The following RAB5A variants were observed in gnomAD, a reference collection of about 807,000 sequenced individuals.
RAB5A encodes RAB5A, member RAS oncogene family.
In RAB5A, 8 loss-of-function variants were observed where a neutral mutation model predicts 25.7. The observed-to-expected ratio is 0.31, with a 90% CI of 0.18 to 0.56. The LOEUF (loss-of-function observed/expected upper bound fraction) is 0.56, where lower values mean the gene tolerates loss of function less well. Among genes scored for constraint, RAB5A ranks in the 20% least tolerant of loss-of-function variants. The pLI, the probability that RAB5A is intolerant of heterozygous loss-of-function variation, is 0.91. For synonymous variants in RAB5A, 98 were observed against 89.8 expected (o/e 1.09, Z -0.52); for missense variants, 192 against 259.7 (o/e 0.74, Z 1.79).
chr3:19,947,270 C>CGGA lies in RAB5A; in HGVS notation c.-343_-342insAGG. 6.9e-6 allele frequency: 1 copy of CGGA among 144,714 alleles called. No individual in the cohort carries two copies. Among genetic ancestry groups the CGGA allele is most frequent in the Non-Finnish European group, 1.2e-5 (1 of 84,466 alleles). 9.0% of individuals were successfully genotyped at this position (144,714 alleles called of 1,614,324 possible). ...GAATTAGTCGGAACTCCAGCGCCGG[C>CGGA]GGCGGCGGCGGCGGCGGAGGAGGAG... On this transcript the variant is annotated 5_prime_UTR_variant, in exon 1 of 6. Coordinates refer to ENST00000273047, the MANE Select transcript of RAB5A (RefSeq NM_004162.5).
rs1406867895 is a variant in RAB5A at position 19,950,997 on chromosome 3, A to G, written c.99A>G (p.Lys33=). Residue 33 remains lysine, a synonymous_variant, in exon 2 of 6, where the codon AAA becomes AAG. Transcript: ENST00000273047. ...TTCTGGGAGAGTCCGCTGTTGGCAA[A>G]TCAAGCCTAGTGCTTCGTTTTGTGA... ...LVLLGESAVG[K]SSLVLRFVKG... is the part of the protein sequence containing the mutation. The G allele has an allele frequency of 1.2e-6, 2 of 1,614,144 alleles. No homozygotes were observed. The highest frequency in any genetic ancestry group is 1.1e-5 in the South Asian group (1 of 91,076).
intron 5 of RAB5A, among the ~76,000 whole-genome samples, chr3:19,979,703 G>A (rs1296377395): frequency 2.6e-5 from 4 of 151,756 alleles, no homozygotes; most frequent in African/African-American, 4.8e-5. Context: ...TTTTGGTTTT[G>A]GATTTTTTTT....
At chr3:19,975,205 C>A in intron 2 of RAB5A, among the ~76,000 whole-genome samples, 1 of 138,418 alleles carries the variant, frequency 7.2e-6, no homozygotes. Context: ...TAGTCTGAGA[C>A]TCTTGTATCA....
chr3:19,976,098 A>G lies in RAB5A; in HGVS notation c.367A>G (p.Ser123Gly), dbSNP rs181298476. 7 of 1,613,500 alleles carry G rather than the reference A, an allele frequency of 4.3e-6. No individual in the cohort carries two copies. The highest frequency in any genetic ancestry group is 2.7e-5 in the African/African-American group (2 of 75,058). Reference protein sequence around the residue: ...NWVKELQRQASPNIVIALSGN... With the variant: ...NWVKELQRQAGPNIVIALSGN... ...GGTTAAAGAACTTCAGAGGCAAGCA[A>G]GTCCTAACATTGTAATAGCTTTATC... Residue 123 changes from serine (S) to glycine (G), a missense_variant, in exon 4 of 6, where the codon AGT (serine) becomes GGT (glycine). Physicochemically the swap from Ser to Gly is moderately conservative, Grantham distance 56 (BLOSUM62 0). This residue lies in a region of RAB5A where 121 missense variants were observed against 135.7 expected (regional missense o/e 0.89). Coordinates refer to ENST00000273047, the MANE Select transcript of RAB5A (RefSeq NM_004162.5).
intron 2 of RAB5A, among the ~76,000 whole-genome samples, chr3:19,974,824 C>G (rs760942731): frequency 1.3e-5 from 2 of 152,028 alleles, no homozygotes; most frequent in African/African-American, 2.4e-5. Flanking sequence ...TAAAATGGAA[C>G]AGGACATGGT....
rs1273724493 is a variant in RAB5A, at chr3:19,953,081, C to T, written c.163+2020C>T. Among the ~76,000 whole-genome samples, 23 of 150,728 alleles carry T rather than the reference C, an allele frequency of 1.5e-4. 1 individual carries two copies. Among genetic ancestry groups the T allele is most frequent in the Non-Finnish European group, 3.4e-4 (23 of 68,016 alleles). On this transcript the variant is annotated intron_variant, in intron 2 of 5. Transcript: ENST00000273047. Reference sequence around the variant, plus strand: ...TATTATTTTATTAAAACAATAAAAACTCTGAAGTACTGTAGTATAGGACTT... The same window carrying T: ...TATTATTTTATTAAAACAATAAAAATTCTGAAGTACTGTAGTATAGGACTT...
intron 2 of RAB5A, among the ~76,000 whole-genome samples, chr3:19,956,074 T>C (rs779515311): frequency 2.3e-4 from 35 of 152,224 alleles, no homozygotes; most frequent in Non-Finnish European, 1.6e-4. Context: ...GCTTTTTCTC[T>C]ACTTAGGGAG....
chr3:19,955,722 C>T lies in RAB5A; in HGVS notation c.163+4661C>T, dbSNP rs138093679. Among the ~76,000 whole-genome samples the T allele has an allele frequency of 2.6e-5, 4 of 152,052 alleles. No individual in the cohort carries two copies. The East Asian group carries it at 7.8e-4, about 30-fold the overall frequency. On this transcript the variant is annotated intron_variant, in intron 2 of 5. Transcript: ENST00000273047. ...GCTTGCCAATGTGATGAAACCCTGTCTCTGCTAAAAATACAAAAATTAGCC... is the reference window on the plus strand; with the variant it reads ...GCTTGCCAATGTGATGAAACCCTGTTTCTGCTAAAAATACAAAAATTAGCC...
At chr3:19,958,472 A>G (rs1016580441) in intron 2 of RAB5A, among the ~76,000 whole-genome samples, 1 of 152,184 alleles carries the variant, frequency 6.6e-6, no homozygotes, top group African/African-American at 2.4e-5. Context: ...GCATGGTTCT[A>G]ATCCTCACAT....
intron 2 of RAB5A, among the ~76,000 whole-genome samples, chr3:19,955,372 C>T (rs1241313493): frequency 6.6e-6 from 1 of 152,158 alleles, no homozygotes; most frequent in African/African-American, 2.4e-5. Context: ...AGAGCGTTCC[C>T]ACTTCCAGAA....
intron 2 of RAB5A, among the ~76,000 whole-genome samples, chr3:19,974,232 G>A (rs1418650669): frequency 2.0e-5 from 3 of 150,844 alleles, no homozygotes; most frequent in Non-Finnish European, 4.4e-5. Context: ...TCAGCTCACT[G>A]CAACCTCTGC....
chr3:19,960,342 C>T (rs769585813), intron 2 of RAB5A, among the ~76,000 whole-genome samples: 1 of 152,148 alleles, frequency 6.6e-6, no homozygotes, highest in Non-Finnish European at 1.5e-5. Flanking sequence ...TCGCTCTGTG[C>T]TAGACTGGAG....
intron 4 of RAB5A, among the ~76,000 whole-genome samples, chr3:19,977,950 C>CA (rs774670240): frequency 6.6e-6 from 1 of 152,146 alleles, no homozygotes; most frequent in Non-Finnish European, 1.5e-5. Context: ...GTCTTCATTG[C>CA]AGACAGTAAG....
intron 5 of RAB5A, among the ~76,000 whole-genome samples, chr3:19,981,538 C>G (rs1319106467): frequency 6.6e-6 from 1 of 151,844 alleles, no homozygotes; most frequent in East Asian, 1.9e-4. Flanking sequence ...TGCTTGAACC[C>G]AGGAGGCAGA....
At position 19,975,777 on chromosome 3, in the gene RAB5A, A is replaced by T. The variant is rs200302718; in HGVS notation, c.315+25A>T. ...GGTAAGTATGGATGCATTCCACAGTAAAACTAATTTGAGTACCCACTTTTG... is the reference window on the plus strand; with the variant it reads ...GGTAAGTATGGATGCATTCCACAGTTAAACTAATTTGAGTACCCACTTTTG... On this transcript the variant is annotated intron_variant, in intron 3 of 5. Transcript: ENST00000273047. 388 of 1,577,234 alleles carry T rather than the reference A, an allele frequency of 2.5e-4. No individual in the cohort carries two copies. In the African/African-American group the frequency reaches 4.3e-3, roughly 18 times the overall value.
chr3:19,984,169 C>G lies in RAB5A; in HGVS notation c.*346C>G. On this transcript the variant is annotated 3_prime_UTR_variant, in exon 6 of 6. Transcript: ENST00000273047. ...TTCTCCACACTGGTACAGTAGTCAC[C>G]TGTGAAAAAAAAATTGGAACTTACT... The G allele has an allele frequency of 3.2e-6, 1 of 315,046 alleles. No homozygotes were observed. The highest frequency in any genetic ancestry group is 5.9e-6 in the Non-Finnish European group (1 of 169,970). 19.5% of individuals were successfully genotyped at this position (315,046 alleles called of 1,614,324 possible).
intron 2 of RAB5A, among the ~76,000 whole-genome samples, chr3:19,951,402 CA>C (rs1307360800): frequency 6.6e-6 from 1 of 152,080 alleles, no homozygotes; most frequent in African/African-American, 2.4e-5. Flanking sequence ...TGTTTGTGCT[CA>C]ATTATATTGG....
At chr3:19,963,364 A>AACCCCCC (rs1696615859) in intron 2 of RAB5A, among the ~76,000 whole-genome samples, 4 of 60,986 alleles carry the variant, frequency 6.6e-5, no homozygotes, top group Admixed American at 2.4e-4. Flanking sequence ...TTAGAATTTC[A>AACCCCCC]CCCCCCCCCC....
At chr3:19,979,626 A>G (rs1236866618) in intron 5 of RAB5A, among the ~76,000 whole-genome samples, 1 of 152,178 alleles carries the variant, frequency 6.6e-6, no homozygotes, top group Non-Finnish European at 1.5e-5. Flanking sequence ...TTTCAGTTAT[A>G]AGTAATGAAG....
Sources: allele counts gnomAD v4.1 joint callset (sites outside exome capture counted in the v4.1 genomes callset), GRCh38; gene constraint gnomAD v4.1.1; regional missense constraint gnomAD v4.1.1; transcripts MANE v1.5; gene names NCBI Gene and HGNC (gene_info 2026-07-23, HGNC 2026-07-21).